ASTN2: variants seen among roughly 807,000 people sequenced by gnomAD.
ASTN2 encodes the protein astrotactin-2.
ASTN2 carries 54 observed loss-of-function variants against 139.8 expected under a neutral mutation model. The observed-to-expected ratio is 0.39, with a 90% confidence interval of 0.31 to 0.48. The LOEUF (loss-of-function observed/expected upper bound fraction) is 0.48, where lower values mean the gene tolerates loss of function less well. Among genes scored for constraint, ASTN2 ranks in the 20% least tolerant of loss-of-function variants. ASTN2 has a pLI of 0.95. For synonymous variants in ASTN2, 756 were observed against 719.5 expected (o/e 1.05, Z -0.81); for missense variants, 1,565 against 1,725.1 (o/e 0.91, Z 1.64).
intron 19 of ASTN2, among the ~76,000 whole-genome samples, chr9:116,517,178 G>C (rs555430696): frequency 6.6e-6 from 1 of 152,298 alleles, no homozygotes; most frequent in Non-Finnish European, 1.5e-5. Context: ...ACTCTTGAAA[G>C]TGTCACCTCC....
chr9:116,486,237 T>C (rs1849334209), intron 20 of ASTN2, among the ~76,000 whole-genome samples: 1 of 152,244 alleles, frequency 6.6e-6, no homozygotes, highest in Non-Finnish European at 1.5e-5. Flanking sequence ...GTCTCATTCA[T>C]ATCCACAGTG....
At chr9:116,989,346 T>C (rs1437829811) in intron 7 of ASTN2, among the ~76,000 whole-genome samples, 2 of 152,038 alleles carry the variant, frequency 1.3e-5, no homozygotes, top group African/African-American at 2.4e-5. Context: ...TAGTTAGGAA[T>C]TTGAGAAAAA....
chr9:116,632,190 G>GAGAGAA (rs1856802732), intron 17 of ASTN2, among the ~76,000 whole-genome samples: 6 of 12,452 alleles, frequency 4.8e-4, no homozygotes, highest in Admixed American at 1.0e-3. Flanking sequence ...GAGAGGGAGA[G>GAGAGAA]AGAGAGAAAG....
At position 116,620,449 on chromosome 9, in the gene ASTN2, CA is replaced by C. The variant is rs1564160120; in HGVS notation, c.3073-7del. 6.2e-7 allele frequency: 1 copy of C among 1,611,718 alleles called. No homozygotes were observed. The highest frequency in any genetic ancestry group is 2.2e-5 in the East Asian group (1 of 44,852). ...ATCAGTGCACTCTTGAAGGCCTGGACAAAAAAAGAGGACAGAATAGACAATG... is the reference window on the plus strand; with the variant it reads ...ATCAGTGCACTCTTGAAGGCCTGGACAAAAAAGAGGACAGAATAGACAATG... On this transcript the variant is annotated splice_polypyrimidine_tract_variant and splice_region_variant and intron_variant, in intron 17 of 22. Transcript: ENST00000313400.
intron 17 of ASTN2, among the ~76,000 whole-genome samples, chr9:116,634,993 A>G (rs1857004899): frequency 6.6e-6 from 1 of 152,236 alleles, no homozygotes; most frequent in African/African-American, 2.4e-5. Context: ...AGAGGAAGCT[A>G]CAACTAATAT....
intron 3 of ASTN2, among the ~76,000 whole-genome samples, chr9:117,199,203 G>T (rs181596037): frequency 6.6e-6 from 1 of 152,224 alleles, no homozygotes; most frequent in Non-Finnish European, 1.5e-5. Context: ...TGAAGCCTTT[G>T]CCCATGCCTA....
At chr9:116,604,849 T>C (rs540133631) in intron 19 of ASTN2, among the ~76,000 whole-genome samples, 3 of 152,264 alleles carry the variant, frequency 2.0e-5, no homozygotes, top group Admixed American at 1.3e-4. Flanking sequence ...TTTTCAGTTG[T>C]AGATTATCCT....
rs371740864 is a variant in ASTN2, at chr9:116,921,315, G to A, written c.1889+53893C>T. Among the ~76,000 whole-genome samples, 16 of 152,274 alleles carry A rather than the reference G, an allele frequency of 1.1e-4. No individual in the cohort carries two copies. The South Asian group carries it at 1.7e-3, about 16-fold the overall frequency. ...GCTATAAAGAACTACCTGGCTGGGC[G>A]TGGTGGCTCACGCCTGTAATTCCAG... On this transcript the variant is annotated intron_variant, in intron 10 of 22. Coordinates refer to ENST00000313400, the MANE Select transcript of ASTN2 (RefSeq NM_001365068.1).
At chr9:116,711,228 A>G in intron 16 of ASTN2, among the ~76,000 whole-genome samples, 1 of 152,230 alleles carries the variant, frequency 6.6e-6, no homozygotes, top group South Asian at 2.1e-4. Context: ...TGAAATGGGC[A>G]TATTAACTCC....
At chr9:117,055,163 A>C (rs565455891) in intron 5 of ASTN2, among the ~76,000 whole-genome samples, 27 of 152,334 alleles carry the variant, frequency 1.8e-4, no homozygotes, top group Admixed American at 1.1e-3. Flanking sequence ...CTTTCAGGCC[A>C]GCTCTGCCAG....
At chr9:117,021,514 G>A (rs561615463) in intron 6 of ASTN2, among the ~76,000 whole-genome samples, 7 of 152,166 alleles carry the variant, frequency 4.6e-5, no homozygotes, top group African/African-American at 1.7e-4. Context: ...ACATCATCTC[G>A]CTCTTTCAAA....
At chr9:116,791,591 C>T (rs1248048534) in intron 13 of ASTN2, among the ~76,000 whole-genome samples, 1 of 152,192 alleles carries the variant, frequency 6.6e-6, no homozygotes, top group Non-Finnish European at 1.5e-5. Context: ...TGGAAGCAGC[C>T]ATTATGAACA....
chr9:117,121,000 A>G (rs1278248387), intron 4 of ASTN2, among the ~76,000 whole-genome samples: 1 of 152,222 alleles, frequency 6.6e-6, no homozygotes, highest in African/African-American at 2.4e-5. Context: ...CAGGTAATTA[A>G]TACAGCCTGG....
chr9:116,758,584 G>A (rs943600541), intron 13 of ASTN2, among the ~76,000 whole-genome samples: 9 of 152,234 alleles, frequency 5.9e-5, no homozygotes, highest in Admixed American at 5.9e-4. Flanking sequence ...ACAGCTGAGA[G>A]GGCAAATGGA....
At chr9:116,844,599 G>GA (rs544166495) in intron 11 of ASTN2, among the ~76,000 whole-genome samples, 493 of 127,298 alleles carry the variant, frequency 3.9e-3, no homozygotes, top group Middle Eastern at 0.013. Context: ...TGCTACGGAG[G>GA]AAAAAAAAAA....
At chr9:117,059,142 G>A (rs949694759) in intron 5 of ASTN2, among the ~76,000 whole-genome samples, 3 of 152,156 alleles carry the variant, frequency 2.0e-5, no homozygotes, top group African/African-American at 7.2e-5. Flanking sequence ...GGGATGGAGA[G>A]AGTCATCAAA....
chr9:116,968,917 G>T (rs988073392), intron 10 of ASTN2, among the ~76,000 whole-genome samples: 2 of 128,768 alleles, frequency 1.6e-5, no homozygotes, highest in Non-Finnish European at 1.7e-5. Context: ...AAAAAAAAAA[G>T]TTCCTCCTTA....
At chr9:116,781,457 C>G (rs564779281) in intron 13 of ASTN2, among the ~76,000 whole-genome samples, 1 of 152,188 alleles carries the variant, frequency 6.6e-6, no homozygotes, top group South Asian at 2.1e-4. Flanking sequence ...AAAACTCAGA[C>G]CTGGGGGGCA....
intron 4 of ASTN2, among the ~76,000 whole-genome samples, chr9:117,104,371 T>C (rs1829052566): frequency 6.6e-6 from 1 of 152,098 alleles, no homozygotes; most frequent in Non-Finnish European, 1.5e-5. Flanking sequence ...CATGACATAC[T>C]TTTGGGTAAA....
Sources: allele counts gnomAD v4.1 joint callset (sites outside exome capture counted in the v4.1 genomes callset), GRCh38; gene constraint gnomAD v4.1.1; transcripts MANE v1.5; gene names NCBI Gene and HGNC (gene_info 2026-07-23, HGNC 2026-07-21).